The following TBC1D1 variants were observed in gnomAD, a reference collection of about 807,000 sequenced individuals.
TBC1D1 encodes the protein TBC1 domain family member 1.
In TBC1D1, 89 loss-of-function variants were observed where a neutral mutation model predicts 125.6. The ratio of observed to expected loss-of-function variants is 0.71; its 90% confidence interval spans 0.60 to 0.85. The LOEUF (loss-of-function observed/expected upper bound fraction) is 0.85. Ranked by LOEUF, TBC1D1 falls within the 40% of genes least tolerant of loss-of-function variation. The pLI, the probability that TBC1D1 is intolerant of heterozygous loss-of-function variation, is 0.00. For synonymous variants in TBC1D1, 565 were observed against 564.1 expected, an observed-to-expected ratio of 1.00 and a Z score of -0.02; for missense variants, 1,377 against 1,469.2, an observed-to-expected ratio of 0.94 and a Z score of 1.03.
intron 2 of TBC1D1, among the ~76,000 whole-genome samples, chr4:37,967,633 A>G (rs1731311721): frequency 6.6e-6 from 1 of 152,216 alleles, no homozygotes; most frequent in Non-Finnish European, 1.5e-5. Flanking sequence ...AGTTTGGGTC[A>G]GATTTTTATT....
chr4:38,074,210 C>G (rs890897916), intron 12 of TBC1D1, among the ~76,000 whole-genome samples: 21 of 152,168 alleles, frequency 1.4e-4, no homozygotes, highest in Non-Finnish European at 1.6e-4. Context: ...TCTAACCAAC[C>G]ATACTGAAAA....
chr4:37,929,213 A>G (rs1436868934), intron 2 of TBC1D1, among the ~76,000 whole-genome samples: 4 of 152,212 alleles, frequency 2.6e-5, no homozygotes, highest in Non-Finnish European at 5.9e-5. Flanking sequence ...TTATCTGTCT[A>G]TTCATCTACC....
intron 17 of TBC1D1, among the ~76,000 whole-genome samples, chr4:38,122,091 A>G (rs1436620485): frequency 1.3e-5 from 2 of 152,134 alleles, no homozygotes; most frequent in African/African-American, 4.8e-5. Context: ...GGAGGGTTGG[A>G]CGCTTTGAAT....
Position 38,133,099 on chromosome 4 carries a change from A to G in TBC1D1, c.3148A>G (p.Ile1050Val), listed in dbSNP as rs764592822. 32 of 1,610,740 alleles carry G rather than the reference A, an allele frequency of 2.0e-5. No homozygotes were observed. The highest frequency in any genetic ancestry group is 2.7e-5 in the Non-Finnish European group (32 of 1,178,998). The change falls in exon 19 of 20, where the codon ATC becomes GTC. Residue 1050 changes from isoleucine to valine, a missense_variant. Coordinates refer to ENST00000261439, the MANE Select transcript of TBC1D1 (RefSeq NM_015173.4). ...TCTATAACAGGTATTTGAAATGGAC[A>G]TCGCTAAACAGTTACAAGCTTATGA... is the stretch of plus-strand genomic sequence containing the variant.
intron 2 of TBC1D1, among the ~76,000 whole-genome samples, chr4:37,903,608 T>C (rs1716641947): frequency 6.6e-6 from 1 of 152,244 alleles, no homozygotes; most frequent in African/African-American, 2.4e-5. Context: ...CTGCACTCCA[T>C]TAGGTTATTT....
chr4:38,018,126 G>A (rs1466218164), intron 3 of TBC1D1, among the ~76,000 whole-genome samples: 1 of 151,724 alleles, frequency 6.6e-6, no homozygotes, highest in Non-Finnish European at 1.5e-5. Flanking sequence ...GCTAACTTTT[G>A]GATATCTGGT....
chr4:38,097,536 G>A (rs919630272), intron 14 of TBC1D1, among the ~76,000 whole-genome samples: 3 of 152,082 alleles, frequency 2.0e-5, no homozygotes, highest in Admixed American at 2.0e-4. Flanking sequence ...TAGAGATGGG[G>A]TTTCACTATG....
chr4:38,005,991 G>A (rs6835205), intron 2 of TBC1D1, among the ~76,000 whole-genome samples: 104,610 of 152,078 alleles, frequency 0.69, 36,622 homozygotes, highest in East Asian at 0.93. Flanking sequence ...TTTTGGTCCT[G>A]TTTCTTTGTC....
At chr4:37,895,695 T>G (rs1399664473) in intron 1 of TBC1D1, among the ~76,000 whole-genome samples, 1 of 152,052 alleles carries the variant, frequency 6.6e-6, no homozygotes, top group Admixed American at 6.6e-5. Flanking sequence ...CAGAGTGAGA[T>G]TCTGTCTCAA....
chr4:37,971,130 G>A (rs1427757973), intron 2 of TBC1D1, among the ~76,000 whole-genome samples: 4 of 152,150 alleles, frequency 2.6e-5, no homozygotes, highest in African/African-American at 4.8e-5. Flanking sequence ...TTCCCAGACC[G>A]GCCCCCCTGC....
chr4:38,027,736 C>T, intron 6 of TBC1D1, 52 bp from the exon 7 acceptor site: 1 of 1,276,830 alleles, frequency 7.8e-7, no homozygotes, highest in Non-Finnish European at 1.1e-6. Flanking sequence ...AACTCCCTAT[C>T]TCACAACTTT....
intron 16 of TBC1D1, among the ~76,000 whole-genome samples, chr4:38,117,051 C>T (rs1002202641): frequency 1.3e-5 from 2 of 152,204 alleles, no homozygotes; most frequent in Non-Finnish European, 2.9e-5. Flanking sequence ...ACTTTAAAGA[C>T]AGTGGTCACC....
chr4:38,005,895 T>C (rs1740058305), intron 2 of TBC1D1, among the ~76,000 whole-genome samples: 1 of 152,194 alleles, frequency 6.6e-6, no homozygotes, highest in African/African-American at 2.4e-5. Context: ...GAAAACCGCA[T>C]TTCCAGAGAA....
intron 2 of TBC1D1, among the ~76,000 whole-genome samples, chr4:37,993,531 C>T (rs927191769): frequency 7.2e-5 from 11 of 152,032 alleles, no homozygotes; most frequent in African/African-American, 2.4e-4. Flanking sequence ...TCACTGAAGC[C>T]CCTCAACATA....
chr4:37,936,457 G>C (rs191607982), intron 2 of TBC1D1, among the ~76,000 whole-genome samples: 1 of 152,298 alleles, frequency 6.6e-6, no homozygotes, highest in African/African-American at 2.4e-5. Flanking sequence ...TCTGTTTGAG[G>C]GCAGTGACTA....
intron 13 of TBC1D1, among the ~76,000 whole-genome samples, chr4:38,092,928 GT>G (rs1166511868): frequency 6.6e-6 from 1 of 151,966 alleles, no homozygotes; most frequent in African/African-American, 2.4e-5. Flanking sequence ...TTAACCTAAT[GT>G]GCACATCTTT....
intron 2 of TBC1D1, among the ~76,000 whole-genome samples, chr4:37,956,943 GAAA>G (rs33943418): frequency 6.4e-5 from 9 of 140,192 alleles, no homozygotes; most frequent in East Asian, 6.1e-4. Flanking sequence ...CGTCTCAAAA[GAAA>G]AAAAAAAAAA....
At chr4:38,028,126 C>CAA (rs199499890) in intron 7 of TBC1D1, among the ~76,000 whole-genome samples, 2 of 149,584 alleles carry the variant, frequency 1.3e-5, no homozygotes, top group African/African-American at 5.0e-5. Context: ...AACAAACAAA[C>CAA]AAACAAAAAA....
In TBC1D1 at chr4:38,058,229, C is replaced by T. The variant is rs531709110; in HGVS notation, c.2050+3891C>T. ...CAAATCAGGCATCTTTGTCCTCTGC[C>T]ACTGTCTGTTCCCCATCCTTAGGAT... is the stretch of plus-strand genomic sequence containing the variant. On this transcript the variant is annotated intron_variant, in intron 12 of 19. Transcript: ENST00000261439. Among the ~76,000 whole-genome samples, 10 of 152,352 alleles carry T rather than the reference C, an allele frequency of 6.6e-5. No homozygotes were observed. The South Asian group carries it at 2.1e-3, about 32-fold the overall frequency.
Sources: gnomAD v4.1 joint callset for allele counts (sites outside exome capture counted in the v4.1 genomes callset) on GRCh38, gnomAD v4.1.1 for gene constraint, MANE v1.5 for transcripts, NCBI Gene and HGNC (gene_info 2026-07-23, HGNC 2026-07-21) for gene names.